The following IDO2 variants were observed in gnomAD, a reference collection of about 807,000 sequenced individuals.
IDO2 encodes the protein indoleamine 2,3-dioxygenase 2, also known as indoleamine 2,3-dioxygenase-like 1 protein.
In IDO2, 46 loss-of-function variants were observed where a neutral mutation model predicts 45.1. That is an observed-to-expected ratio of 1.02 (90% CI 0.80 to 1.30). The LOEUF is 1.30. Among genes scored for constraint, IDO2 ranks in the 50% most tolerant of loss-of-function variants. The pLI is 0.00. For synonymous variants in IDO2, 218 were observed against 184.9 expected, an observed-to-expected ratio of 1.18 and a Z score of -1.45; for missense variants, 544 against 491.8, an observed-to-expected ratio of 1.11 and a Z score of -1.00.
In IDO2 at chr8:39,985,512, C is replaced by A. The variant is rs753736351; in HGVS notation, c.439C>A (p.Leu147Met). 1.2e-5 allele frequency: 19 copies of A among 1,564,882 alleles called. No homozygotes were observed. In the Admixed American group the frequency reaches 2.5e-4, roughly 20 times the overall value. ...CAATAACTGAAATTGGGCTAGATTC[C>A]TGGAAATTGGGTAAGTTCTCAGAAA... Residue 147 changes from leucine (L) to methionine (M), a missense_variant, in exon 6 of 11, where the codon CTG becomes ATG. Leu to Met is a conservative substitution (Grantham distance 15, BLOSUM62 2). Transcript: ENST00000502986.
At chr8:39,947,667 A>T (rs1461677002) in intron 1 of IDO2, among the ~76,000 whole-genome samples, 1 of 152,166 alleles carries the variant, frequency 6.6e-6, no homozygotes, top group Non-Finnish European at 1.5e-5. Context: ...CAGGTTATAA[A>T]TGACCCTGTC....
At chr8:39,981,211 A>G (rs554091545) in intron 4 of IDO2, among the ~76,000 whole-genome samples, 4 of 151,056 alleles carry the variant, frequency 2.6e-5, no homozygotes, top group African/African-American at 4.9e-5. Flanking sequence ...ACAGGCGCCC[A>G]CCACAACGCC....
At chr8:39,989,758 A>T in exon 8 of IDO2, 2 of 1,602,894 alleles carry the variant, frequency 1.2e-6, no homozygotes, top group South Asian at 2.3e-5. Context: ...TTGCAGCCCA[A>T]CCAGGAGGCC....
At chr8:39,951,717 A>G (rs1007792323) in intron 2 of IDO2, among the ~76,000 whole-genome samples, 5 of 152,200 alleles carry the variant, frequency 3.3e-5, no homozygotes, top group African/African-American at 1.2e-4. Flanking sequence ...ATCTAACCCA[A>G]TTCAGGAATA....
intron 8 of IDO2, among the ~76,000 whole-genome samples, chr8:40,000,434 A>T (rs1383651567): frequency 6.6e-6 from 1 of 152,094 alleles, no homozygotes; most frequent in African/African-American, 2.4e-5. Flanking sequence ...GTATTCCTAA[A>T]CAGCATATTA....
At chr8:39,958,619 T>A (rs1180452828) in intron 2 of IDO2, among the ~76,000 whole-genome samples, 1 of 152,148 alleles carries the variant, frequency 6.6e-6, no homozygotes, top group African/African-American at 2.4e-5. Flanking sequence ...CCTGGCTAAT[T>A]TTTGTATTTT....
intron 1 of IDO2, among the ~76,000 whole-genome samples, chr8:39,946,284 G>A (rs1452084028): frequency 2.0e-5 from 3 of 152,146 alleles, no homozygotes; most frequent in Non-Finnish European, 2.9e-5. Context: ...CTCCTGGCTC[G>A]CTGGCCTCCC....
chr8:40,005,137 A>G (rs1011069370), intron 8 of IDO2, among the ~76,000 whole-genome samples, 190 bp from the exon 9 acceptor site: 1 of 152,214 alleles, frequency 6.6e-6, no homozygotes, highest in African/African-American at 2.4e-5. Flanking sequence ...AATAGTTTAG[A>G]AGTTCCGGGA....
At position 40,013,504 on chromosome 8, in the gene IDO2, C is replaced by G. The variant is rs535975662; in HGVS notation, c.720-61C>G. ...TCTCATTCACTCTCAGTTTCCATGTCAGAAAATATACCATTACCTCCCTGC... is the reference window on the plus strand; with the variant it reads ...TCTCATTCACTCTCAGTTTCCATGTGAGAAAATATACCATTACCTCCCTGC... On this transcript the variant is annotated intron_variant, in intron 9 of 10. Transcript: ENST00000502986. 85 of 1,480,626 alleles carry G rather than the reference C, an allele frequency of 5.7e-5. No individual in the cohort carries two copies. In the East Asian group the frequency reaches 1.7e-3, roughly 30 times the overall value. 91.7% of individuals were successfully genotyped at this position (1,480,626 alleles called of 1,614,324 possible).
chr8:39,949,181 C>A, exon 2 of IDO2: 1 of 1,608,284 alleles, frequency 6.2e-7, no homozygotes. Context: ...GCCCCACAGA[C>A]CGAATGTGAA....
chr8:39,995,271 T>TCC (rs1802022709), intron 8 of IDO2: 1 of 119,256 alleles, frequency 8.4e-6, no homozygotes, highest in Non-Finnish European at 1.7e-5. Flanking sequence ...CTTCCTCTTC[T>TCC]TCTTCTTCTT....
intron 8 of IDO2, among the ~76,000 whole-genome samples, chr8:40,003,563 A>G (rs1802173042): frequency 6.6e-6 from 1 of 152,154 alleles, no homozygotes; most frequent in Non-Finnish European, 1.5e-5. Flanking sequence ...TTCAAAAATG[A>G]TGTTGATATT....
At chr8:39,979,259 G>A (rs988208770) in intron 4 of IDO2, 73 bp downstream of exon 4, 2 of 1,510,308 alleles carry the variant, frequency 1.3e-6, no homozygotes, top group African/African-American at 2.8e-5. Context: ...CTCCCTGCTT[G>A]GTGCTACCCT....
In IDO2 at chr8:39,973,519, A is replaced by T. The variant is rs1326396492; in HGVS notation, c.196-5548A>T. 3.3e-5 allele frequency among the ~76,000 whole-genome samples: 5 copies of T among 152,164 alleles called. No homozygotes were observed. The South Asian group carries it at 1.0e-3, about 32-fold the overall frequency. The stretch of plus-strand genomic sequence containing the variant: ...TGAAACAATGAAATCAGTAAATTTT[A>T]TGGTCATTATAATCATTGACAATGT... On this transcript the variant is annotated intron_variant, in intron 3 of 10. Coordinates refer to ENST00000502986, the Ensembl canonical transcript of IDO2.
chr8:40,003,293 C>A (rs1198816757), intron 8 of IDO2, among the ~76,000 whole-genome samples: 1 of 146,938 alleles, frequency 6.8e-6, no homozygotes, highest in East Asian at 2.0e-4. Context: ...TTGCTTGAAC[C>A]AAGGAGGCGG....
intron 10 of IDO2, among the ~76,000 whole-genome samples, chr8:40,014,803 G>A (rs1417022887): frequency 6.6e-6 from 1 of 152,178 alleles, no homozygotes; most frequent in African/African-American, 2.4e-5. Flanking sequence ...AAAGGGCCAA[G>A]GTAGATTTGA....
chr8:39,950,302 A>G (rs1807794045), intron 2 of IDO2, among the ~76,000 whole-genome samples: 1 of 152,198 alleles, frequency 6.6e-6, no homozygotes, highest in African/African-American at 2.4e-5. Context: ...AGGCCAAGGC[A>G]GGTGGATCAC....
At chr8:40,013,814 A>G in intron 10 of IDO2, 101 bp downstream of exon 10, 1 of 961,576 alleles carries the variant, frequency 1.0e-6, no homozygotes, top group East Asian at 2.7e-5. Context: ...TTAAAATGTC[A>G]TGAAGTTTAT....
exon 10 of IDO2, chr8:40,013,677 G>A: frequency 6.2e-7 from 1 of 1,613,660 alleles, no homozygotes; most frequent in Non-Finnish European, 8.5e-7. Flanking sequence ...TCATGCCTTT[G>A]ATGAGTTCTT....
Sources: allele counts gnomAD v4.1 joint callset (sites outside exome capture counted in the v4.1 genomes callset), GRCh38; gene constraint gnomAD v4.1.1; transcripts MANE v1.5; gene names NCBI Gene and HGNC (gene_info 2026-07-23, HGNC 2026-07-21).